The following EXOC6B variants were observed in gnomAD, a reference collection of about 807,000 sequenced individuals.
The protein encoded by EXOC6B is SEC15 homolog B.
Under a neutral mutation model 113.5 loss-of-function variants are expected in EXOC6B, and 54 were observed. The observed-to-expected ratio is 0.48, with a 90% CI of 0.38 to 0.60. The LOEUF is 0.60. Among genes scored for constraint, EXOC6B ranks in the 20% least tolerant of loss-of-function variants. EXOC6B has a pLI of 0.00. For synonymous variants in EXOC6B, 357 were observed against 339.0 expected (o/e 1.05, Z -0.58); for missense variants, 797 against 977.5 (o/e 0.82, Z 2.46).
intron 20 of EXOC6B, among the ~76,000 whole-genome samples, chr2:72,312,280 G>C (rs887533948): frequency 2.0e-5 from 3 of 151,836 alleles, no homozygotes; most frequent in Non-Finnish European, 4.4e-5. Context: ...GAAACCAAGC[G>C]GGCCATCCCC....
intron 8 of EXOC6B, among the ~76,000 whole-genome samples, chr2:72,536,266 C>T (rs1272782998): frequency 6.6e-6 from 1 of 151,992 alleles, no homozygotes; most frequent in Non-Finnish European, 1.5e-5. Context: ...TTAAAATATG[C>T]TTTTAAAATA....
At chr2:72,391,027 C>T (rs373501502) in intron 18 of EXOC6B, among the ~76,000 whole-genome samples, 1 of 152,198 alleles carries the variant, frequency 6.6e-6, no homozygotes, top group African/African-American at 2.4e-5. Context: ...AAACTCCAGT[C>T]GTTGTCTTCT....
chr2:72,355,061 T>C (rs1366105814), intron 19 of EXOC6B, among the ~76,000 whole-genome samples: 1 of 152,168 alleles, frequency 6.6e-6, no homozygotes, highest in Non-Finnish European at 1.5e-5. Context: ...GAAAATGATA[T>C]CAGACTATGG....
At chr2:72,823,467 A>AAC (rs1559031545) in intron 1 of EXOC6B, among the ~76,000 whole-genome samples, 2 of 136,074 alleles carry the variant, frequency 1.5e-5, no homozygotes, top group African/African-American at 6.2e-5. Flanking sequence ...AAGAAAAAAA[A>AAC]AAAAAAAAAA....
At chr2:72,755,547 T>C (rs918341617) in intron 1 of EXOC6B, among the ~76,000 whole-genome samples, 4 of 152,134 alleles carry the variant, frequency 2.6e-5, no homozygotes, top group African/African-American at 9.7e-5. Flanking sequence ...CAATAATAAA[T>C]ATTTTTACCA....
At chr2:72,794,679 G>A (rs1034666967) in intron 1 of EXOC6B, among the ~76,000 whole-genome samples, 7 of 152,192 alleles carry the variant, frequency 4.6e-5, no homozygotes, top group Middle Eastern at 3.4e-3. Context: ...GTATATACCA[G>A]GTGATAGAAA....
intron 18 of EXOC6B, among the ~76,000 whole-genome samples, chr2:72,421,379 CTCTT>C (rs2105262019): frequency 6.6e-6 from 1 of 152,146 alleles, no homozygotes; most frequent in East Asian, 1.9e-4. Context: ...AGAGTATGTT[CTCTT>C]TATCTTTTTA....
intron 11 of EXOC6B, among the ~76,000 whole-genome samples, chr2:72,512,587 T>C (rs958400954): frequency 1.2e-4 from 18 of 152,074 alleles, no homozygotes; most frequent in Non-Finnish European, 2.6e-4. Flanking sequence ...ATGAACTTTT[T>C]TTTTCAAAAG....
At chr2:72,246,279 ATTATGCTTCCCTAACACT>A (rs1410455890) in intron 20 of EXOC6B, among the ~76,000 whole-genome samples, 3 of 152,124 alleles carry the variant, frequency 2.0e-5, no homozygotes, top group African/African-American at 7.2e-5. Context: ...GTCCCTATAA[ATTATGCTTCCCTAACACT>A]TTATATTTCC....
intron 1 of EXOC6B, among the ~76,000 whole-genome samples, chr2:72,795,210 A>C (rs1684876940): frequency 6.6e-6 from 1 of 152,212 alleles, no homozygotes; most frequent in African/African-American, 2.4e-5. Context: ...AAGGCCTTAA[A>C]AGCCAGGATG....
In EXOC6B at chr2:72,230,728, T is replaced by C. The variant is rs144721323; in HGVS notation, c.2197-46541A>G. Among the ~76,000 whole-genome samples the C allele has an allele frequency of 4.6e-3, 700 of 152,326 alleles. 7 individuals are homozygous for C. The highest frequency in any genetic ancestry group is 0.016 in the African/African-American group (648 of 41,570). ...TAAATTTAAGTGTGCAATTGTTAGA[T>C]ATAGACTCTCAGTGCTACTAGAATT... On this transcript the variant is annotated intron_variant, in intron 20 of 21. Transcript: ENST00000272427.
intron 19 of EXOC6B, among the ~76,000 whole-genome samples, chr2:72,350,754 T>C (rs1689605517): frequency 6.6e-6 from 1 of 152,140 alleles, no homozygotes; most frequent in African/African-American, 2.4e-5. Context: ...AGAAAGAGAT[T>C]GGTGTTTAAA....
chr2:72,187,755 C>T (rs933488607), intron 20 of EXOC6B, among the ~76,000 whole-genome samples: 2 of 152,142 alleles, frequency 1.3e-5, no homozygotes, highest in East Asian at 1.9e-4. Flanking sequence ...TACTCTGGTC[C>T]GTGGGACTGG....
intron 18 of EXOC6B, among the ~76,000 whole-genome samples, chr2:72,402,076 GTTAA>G (rs538432966): frequency 0.013 from 1,928 of 151,994 alleles, 69 homozygotes; most frequent in Middle Eastern, 0.01. Context: ...AAGAATTTGT[GTTAA>G]TTATTTTTTA....
At chr2:72,300,197 C>CT (rs1308428136) in intron 20 of EXOC6B, among the ~76,000 whole-genome samples, 1 of 151,988 alleles carries the variant, frequency 6.6e-6, no homozygotes, top group Non-Finnish European at 1.5e-5. Flanking sequence ...GGGGCTGCTG[C>CT]TTTTTTTTCA....
At chr2:72,751,988 G>A (rs1682071906) in intron 1 of EXOC6B, among the ~76,000 whole-genome samples, 4 of 152,068 alleles carry the variant, frequency 2.6e-5, no homozygotes, top group Admixed American at 2.6e-4. Flanking sequence ...AACTTTGGTA[G>A]CATGCAGAAG....
intron 6 of EXOC6B, among the ~76,000 whole-genome samples, chr2:72,620,973 G>T (rs1671707959): frequency 6.6e-6 from 1 of 152,120 alleles, no homozygotes; most frequent in Admixed American, 6.6e-5. Flanking sequence ...ATACCAGTCA[G>T]AATGGCTATT....
chr2:72,286,564 T>C (rs1013045270), intron 20 of EXOC6B, among the ~76,000 whole-genome samples: 3 of 152,174 alleles, frequency 2.0e-5, no homozygotes, highest in Non-Finnish European at 4.4e-5. Context: ...GATACTATAA[T>C]GATGGATACT....
intron 18 of EXOC6B, among the ~76,000 whole-genome samples, chr2:72,435,828 C>T (rs1024761044): frequency 2.0e-5 from 3 of 151,984 alleles, no homozygotes; most frequent in Non-Finnish European, 2.9e-5. Flanking sequence ...ATACAGCACA[C>T]AGATGGTCTT....
Sources: gnomAD v4.1 joint callset for allele counts (sites outside exome capture counted in the v4.1 genomes callset) on GRCh38, gnomAD v4.1.1 for gene constraint, MANE v1.5 for transcripts, NCBI Gene and HGNC (gene_info 2026-07-23, HGNC 2026-07-21) for gene names.